Variants in KCNIP4 observed in about 807,000 individuals in gnomAD.
The protein encoded by KCNIP4 is potassium voltage-gated channel interacting protein 4, also known as Kv channel-interacting protein 4.
Under a neutral mutation model 34.0 loss-of-function variants are expected in KCNIP4, and 12 were observed. The ratio of observed to expected loss-of-function variants is 0.35; its 90% CI spans 0.23 to 0.57. The LOEUF (loss-of-function observed/expected upper bound fraction) is 0.57, where lower values mean the gene tolerates loss of function less well. Among genes scored for constraint, KCNIP4 ranks in the 20% least tolerant of loss-of-function variants. The probability of loss-of-function intolerance (pLI) is 0.83; values close to 1 mark genes in which losing one functional copy is unlikely to be tolerated. For synonymous variants in KCNIP4, 124 were observed against 102.2 expected (o/e 1.21, Z -1.29); for missense variants, 238 against 311.7 (o/e 0.76, Z 1.78).
At chr4:20,878,644 T>C (rs1724332769) in intron 2 of KCNIP4, among the ~76,000 whole-genome samples, 1 of 152,170 alleles carries the variant, frequency 6.6e-6, no homozygotes, top group Admixed American at 6.5e-5. Flanking sequence ...CTGCCCTATA[T>C]GGTCTCTAAA....
At chr4:21,762,890 T>C (rs149759236) in intron 1 of KCNIP4, 16,764 of 1,269,406 alleles carry the variant, frequency 0.013, 174 homozygotes, top group South Asian at 0.037. Flanking sequence ...GAGGGGGGTG[T>C]AGGTGGATGG....
At chr4:21,288,874 G>A (rs1763274710) in intron 1 of KCNIP4, among the ~76,000 whole-genome samples, 1 of 152,110 alleles carries the variant, frequency 6.6e-6, no homozygotes, top group Admixed American at 6.6e-5. Flanking sequence ...ATAGCCTCCA[G>A]CTCCATCCAT....
At chr4:21,143,596 A>G (rs1752133384) in intron 1 of KCNIP4, among the ~76,000 whole-genome samples, 1 of 152,188 alleles carries the variant, frequency 6.6e-6, no homozygotes, top group Non-Finnish European at 1.5e-5. Flanking sequence ...ATAAATGGGT[A>G]TTGTTTTAAG....
intron 1 of KCNIP4, among the ~76,000 whole-genome samples, chr4:21,870,961 A>C (rs576609761): frequency 6.6e-6 from 1 of 152,334 alleles, no homozygotes; most frequent in East Asian, 1.9e-4. Context: ...TCGAGTAAGA[A>C]AAAAATACCA....
chr4:21,683,044 T>G (rs1750503215), intron 1 of KCNIP4, among the ~76,000 whole-genome samples: 1 of 152,202 alleles, frequency 6.6e-6, no homozygotes, highest in African/African-American at 2.4e-5. Flanking sequence ...AAACTTCAAT[T>G]TGTAAAAAAT....
chr4:21,918,518 G>A (rs1194655062), intron 1 of KCNIP4, among the ~76,000 whole-genome samples: 2 of 151,748 alleles, frequency 1.3e-5, no homozygotes, highest in African/African-American at 4.8e-5. Flanking sequence ...GGCTAGGACT[G>A]TGACACCCCC....
chr4:21,513,872 T>A (rs1463205886), intron 1 of KCNIP4, among the ~76,000 whole-genome samples: 1 of 152,160 alleles, frequency 6.6e-6, no homozygotes, highest in Non-Finnish European at 1.5e-5. Context: ...GGTCTATGGA[T>A]CTGTACGACC....
At chr4:21,441,016 A>G (rs1228757390) in intron 1 of KCNIP4, among the ~76,000 whole-genome samples, 1 of 152,116 alleles carries the variant, frequency 6.6e-6, no homozygotes, top group Non-Finnish European at 1.5e-5. Context: ...TTCCTTGTCC[A>G]CAGTTCTGAC....
rs2109136386 is a variant in KCNIP4 at position 21,607,254 on chromosome 4, A to G, written c.61+341317T>C. ...CTCAGTTTCCTCAACTGTAAACCAC[A>G]GTGAATAACGCCTATCTCAGAAGGT... On this transcript the variant is annotated intron_variant, in intron 1 of 8. Transcript: ENST00000382152. 2.0e-5 allele frequency among the ~76,000 whole-genome samples: 3 copies of G among 152,268 alleles called. No homozygotes were observed. The South Asian group carries it at 6.2e-4, about 32-fold the overall frequency.
chr4:21,497,696 G>A (rs1027109770), intron 1 of KCNIP4, among the ~76,000 whole-genome samples: 1 of 151,944 alleles, frequency 6.6e-6, no homozygotes, highest in African/African-American at 2.4e-5. Context: ...CCTTCAAAAC[G>A]GATGCCATAT....
intron 1 of KCNIP4, among the ~76,000 whole-genome samples, chr4:21,272,801 C>T (rs186170608): frequency 6.6e-6 from 1 of 152,188 alleles, no homozygotes; most frequent in South Asian, 2.1e-4. Flanking sequence ...CTCTTTGTGC[C>T]ATTAGGATGA....
At chr4:20,994,603 T>A (rs1025466680) in intron 1 of KCNIP4, among the ~76,000 whole-genome samples, 39 of 152,308 alleles carry the variant, frequency 2.6e-4, no homozygotes, top group African/African-American at 9.4e-4. Flanking sequence ...AGCCCAGACA[T>A]GAACTAGGAG....
chr4:21,775,966 G>A (rs887599961), intron 1 of KCNIP4, among the ~76,000 whole-genome samples: 3 of 152,198 alleles, frequency 2.0e-5, no homozygotes, highest in Admixed American at 2.0e-4. Flanking sequence ...CAGCTGGTGC[G>A]GGTCACCCCT....
intron 2 of KCNIP4, among the ~76,000 whole-genome samples, chr4:20,860,378 T>G (rs1218931975): frequency 6.6e-6 from 1 of 152,208 alleles, no homozygotes; most frequent in Non-Finnish European, 1.5e-5. Context: ...CCTCAGGTGA[T>G]CCATGGACCT....
At chr4:20,944,302 CA>C (rs1441912241) in intron 1 of KCNIP4, among the ~76,000 whole-genome samples, 1 of 152,060 alleles carries the variant, frequency 6.6e-6, no homozygotes, top group African/African-American at 2.4e-5. Flanking sequence ...CCATCCATGA[CA>C]TGGTCATGAG....
chr4:21,230,737 C>T (rs1230390111), intron 1 of KCNIP4, among the ~76,000 whole-genome samples: 2 of 152,112 alleles, frequency 1.3e-5, no homozygotes, highest in Admixed American at 6.6e-5. Flanking sequence ...TGTATATGTA[C>T]CACATTTTCT....
At chr4:21,692,313 T>C (rs1389420768) in intron 1 of KCNIP4, among the ~76,000 whole-genome samples, 1 of 152,208 alleles carries the variant, frequency 6.6e-6, no homozygotes, top group Non-Finnish European at 1.5e-5. Flanking sequence ...TATATAAGTG[T>C]TTTGTTTGTT....
intron 1 of KCNIP4, among the ~76,000 whole-genome samples, chr4:21,665,041 A>G (rs1748735683): frequency 6.6e-6 from 1 of 152,202 alleles, no homozygotes; most frequent in South Asian, 2.1e-4. Context: ...TGGCTATCAT[A>G]TAGTATTTTT....
intron 1 of KCNIP4, among the ~76,000 whole-genome samples, chr4:21,935,133 C>T (rs1729783375): frequency 6.6e-6 from 1 of 151,996 alleles, no homozygotes; most frequent in South Asian, 2.1e-4. Context: ...CCATCTAACT[C>T]CACCCACACA....
Sources: allele counts gnomAD v4.1 joint callset (sites outside exome capture counted in the v4.1 genomes callset), GRCh38; gene constraint gnomAD v4.1.1; transcripts MANE v1.5; gene names NCBI Gene and HGNC (gene_info 2026-07-23, HGNC 2026-07-21).